MS4A6E: variants seen among roughly 807,000 people sequenced by gnomAD.
The protein encoded by MS4A6E is membrane-spanning 4-domains subfamily A member 6E.
In MS4A6E, 8 loss-of-function variants were observed where a neutral mutation model predicts 13.2. That is an observed-to-expected ratio of 0.60 (90% CI 0.35 to 1.09). MS4A6E has a LOEUF of 1.09. MS4A6E is among the 50% of genes least tolerant of loss of function. The pLI is 0.02. For missense variants in MS4A6E, 177 were observed against 171.1 expected, an observed-to-expected ratio of 1.03 and a Z score of -0.19; for synonymous variants, 72 against 67.6, an observed-to-expected ratio of 1.06 and a Z score of -0.32.
chr11:60,329,153 C>A (rs1201776056), intron 1 of MS4A6E, among the ~76,000 whole-genome samples: 5 of 151,546 alleles, frequency 3.3e-5, no homozygotes, highest in African/African-American at 1.2e-4. Flanking sequence ...TGCCCCCCAC[C>A]CCCCGACAGG....
intron 2 of MS4A6E, among the ~76,000 whole-genome samples, chr11:60,336,503 C>A (rs962109714): frequency 6.6e-6 from 1 of 152,120 alleles, no homozygotes; most frequent in Non-Finnish European, 1.5e-5. Flanking sequence ...CTCAGACTCA[C>A]CAGAGACATC....
chr11:60,340,768 C>A lies in MS4A6E; in HGVS notation c.*10-8C>A, dbSNP rs149835753. The A allele has an allele frequency of 7.1e-4, 145 of 204,476 alleles. No individual in the cohort carries two copies. The highest frequency in any genetic ancestry group is 3.1e-3 in the African/African-American group (135 of 43,292). 12.7% of individuals were successfully genotyped at this position (204,476 alleles called of 1,614,324 possible). A position where few individuals can be genotyped will look rare whatever the true frequency, so the allele number is the denominator to read the frequency against. On this transcript the variant is annotated splice_polypyrimidine_tract_variant and splice_region_variant and intron_variant, in intron 4 of 4. Transcript: ENST00000684409. ...TTTCTTCTAAAGTGTGCTTTTCCTG[C>A]CTCACAGTTACTCATGTCCTCAAAG...
chr11:60,340,679 G>GA (rs1361310370), intron 4 of MS4A6E, 97 bp from the exon 5 acceptor site: 7 of 158,452 alleles, frequency 4.4e-5, no homozygotes, highest in African/African-American at 1.7e-4. Context: ...TATACAGTTG[G>GA]AAAAAATGGC....
chr11:60,327,369 C>T lies in MS4A6E; in HGVS notation c.-54C>T, dbSNP rs11230266. Among the ~76,000 whole-genome samples the T allele has an allele frequency of 0.35, 52,974 of 152,082 alleles. 9,859 individuals are homozygous for T. Among genetic ancestry groups the T allele is most frequent in the East Asian group, 0.41 (2,115 of 5,172 alleles). ...AACGTGACCCTAAGTAGATGCTGAACCTGTGGCACCTTGATCGTGGACTTC... is the reference window on the plus strand; with the variant it reads ...AACGTGACCCTAAGTAGATGCTGAATCTGTGGCACCTTGATCGTGGACTTC... On this transcript the variant is annotated 5_prime_UTR_variant, in exon 1 of 5. Coordinates refer to ENST00000684409, the MANE Select transcript of MS4A6E (RefSeq NM_139249.4).
chr11:60,331,499 T>C (rs758893019), intron 1 of MS4A6E, among the ~76,000 whole-genome samples: 3 of 152,210 alleles, frequency 2.0e-5, no homozygotes, highest in African/African-American at 4.8e-5. Context: ...TTTGTTTTTT[T>C]AGTCTGGAGC....
chr11:60,331,817 G>A (rs2085157793), intron 1 of MS4A6E, among the ~76,000 whole-genome samples: 1 of 152,176 alleles, frequency 6.6e-6, no homozygotes, highest in Non-Finnish European at 1.5e-5. Flanking sequence ...CAAAGGTGGA[G>A]TCCTCATGAA....
At chr11:60,343,919 G>GTTT (rs533895850), downstream of MS4A6E, among the ~76,000 whole-genome samples, 40 of 152,296 alleles carry the variant, frequency 2.6e-4, no homozygotes, top group South Asian at 8.3e-3. Flanking sequence ...AAAGAACAGT[G>GTTT]TAGGGCCCTT....
At chr11:60,331,961 A>C (rs1565155262) in intron 1 of MS4A6E, among the ~76,000 whole-genome samples, 2 of 152,206 alleles carry the variant, frequency 1.3e-5, no homozygotes. Context: ...TATGCCAGCA[A>C]TTTGACGTCA....
chr11:60,342,196 A>G (rs61042376), downstream of MS4A6E, among the ~76,000 whole-genome samples: 143 of 118,356 alleles, frequency 1.2e-3, no homozygotes, highest in African/African-American at 4.6e-3. Flanking sequence ...AGAGAGAGAG[A>G]GAGAGGGGGG....
downstream of MS4A6E, among the ~76,000 whole-genome samples, chr11:60,345,471 C>T (rs1309692547): frequency 1.3e-5 from 2 of 152,160 alleles, no homozygotes; most frequent in Admixed American, 6.5e-5. Context: ...CATATCCTGA[C>T]TGTGGAGCTT....
downstream of MS4A6E, among the ~76,000 whole-genome samples, chr11:60,343,104 T>C (rs1170915819): frequency 6.8e-6 from 1 of 146,688 alleles, no homozygotes. Flanking sequence ...TGTGTGGTTC[T>C]GCCTGCAGCA....
intron 3 of MS4A6E, among the ~76,000 whole-genome samples, chr11:60,339,321 G>GAT (rs2085208919): frequency 6.6e-6 from 1 of 152,132 alleles, no homozygotes; most frequent in Admixed American, 6.5e-5. Flanking sequence ...CATCCAAACA[G>GAT]GTTCAGATAC....
intron 1 of MS4A6E, among the ~76,000 whole-genome samples, chr11:60,330,920 T>C (rs1354947891): frequency 1.3e-5 from 2 of 152,214 alleles, no homozygotes; most frequent in South Asian, 2.1e-4. Flanking sequence ...AAAGATCAGA[T>C]GGCTGTAAAT....
At chr11:60,327,822 G>A (rs2085129442) in intron 1 of MS4A6E, among the ~76,000 whole-genome samples, 1 of 152,028 alleles carries the variant, frequency 6.6e-6, no homozygotes, top group Non-Finnish European at 1.5e-5. Flanking sequence ...TGGAGGTCAG[G>A]AGTTCAAGAC....
chr11:60,339,812 A>C (rs1006134419), intron 3 of MS4A6E, 54 bp from the exon 4 acceptor site: 4 of 1,518,610 alleles, frequency 2.6e-6, no homozygotes, highest in Admixed American at 3.3e-5. Context: ...TAAACTAGGC[A>C]TGAAAGCTTC....
chr11:60,344,843 T>C (rs33999471), downstream of MS4A6E, among the ~76,000 whole-genome samples: 3,294 of 152,338 alleles, frequency 0.022, 94 homozygotes, highest in African/African-American at 0.064. Flanking sequence ...AGCACTGTTA[T>C]CTTTCATGGA....
intron 1 of MS4A6E, among the ~76,000 whole-genome samples, chr11:60,330,191 A>T (rs2085145518): frequency 1.3e-5 from 2 of 149,910 alleles, no homozygotes. Flanking sequence ...TTCCTTGTAG[A>T]TTCTGGATAT....
At chr11:60,346,624 C>T (rs1315451428) in intron 4 of MS4A6E, among the ~76,000 whole-genome samples, 1 of 152,124 alleles carries the variant, frequency 6.6e-6, no homozygotes, top group Non-Finnish European at 1.5e-5. Flanking sequence ...AAGGTTTGGC[C>T]CTAGTTCTTT....
At chr11:60,329,266 A>G (rs2085139133) in intron 1 of MS4A6E, among the ~76,000 whole-genome samples, 1 of 151,204 alleles carries the variant, frequency 6.6e-6, no homozygotes, top group South Asian at 2.1e-4. Context: ...TTCCTGTGTT[A>G]GTTTGCTGAG....
Sources: allele counts gnomAD v4.1 joint callset (sites outside exome capture counted in the v4.1 genomes callset), GRCh38; gene constraint gnomAD v4.1.1; transcripts MANE v1.5; gene names NCBI Gene and HGNC (gene_info 2026-07-23, HGNC 2026-07-21).